CDC42: variants seen among roughly 807,000 people sequenced by gnomAD.
CDC42 encodes the protein cell division control protein 42 homolog.
Under a neutral mutation model 20.8 loss-of-function variants are expected in CDC42, and 1 was observed. That is an observed-to-expected ratio of 0.05 (90% confidence interval 0.02 to 0.23). The LOEUF (loss-of-function observed/expected upper bound fraction) is 0.23. Ranked by LOEUF, CDC42 falls within the 10% of genes least tolerant of loss-of-function variation. The probability of loss-of-function intolerance (pLI) is 1.00; values close to 1 mark genes in which losing one functional copy is unlikely to be tolerated. For missense variants in CDC42, 49 were observed against 227.9 expected, an observed-to-expected ratio of 0.21 and a Z score of 5.05; for synonymous variants, 72 against 84.8, an observed-to-expected ratio of 0.85 and a Z score of 0.83.
intron 1 of CDC42, among the ~76,000 whole-genome samples, chr1:22,069,784 G>T (rs1569990059): frequency 7.0e-6 from 1 of 142,482 alleles, no homozygotes; most frequent in South Asian, 2.3e-4. Flanking sequence ...AGGTTTTTTT[G>T]TTTGTTTGTT....
In CDC42 at chr1:22,081,627, C is replaced by A. The variant is rs17837975; in HGVS notation, c.106-95C>A. ...TGGATGGACTAGGGGACGATTAAGTCTTAGCAAGGAAACACTGCCTTAGCT... is the reference window on the plus strand; with the variant it reads ...TGGATGGACTAGGGGACGATTAAGTATTAGCAAGGAAACACTGCCTTAGCT... On this transcript the variant is annotated intron_variant, in intron 2 of 5. Transcript: ENST00000656825. The A allele has an allele frequency of 5.2e-6, 4 of 763,974 alleles. No individual in the cohort carries two copies. The Admixed American group carries it at 6.4e-5, about 12-fold the overall frequency. 47.3% of individuals were successfully genotyped at this position (763,974 alleles called of 1,614,324 possible).
chr1:22,057,671 A>G (rs1028346727), intron 1 of CDC42, among the ~76,000 whole-genome samples: 2 of 151,512 alleles, frequency 1.3e-5, no homozygotes, highest in Admixed American at 1.3e-4. Flanking sequence ...GGCATAAGCC[A>G]CTATGTCTAG....
chr1:22,078,871 C>T (rs1427895584), intron 2 of CDC42: 4 of 1,237,058 alleles, frequency 3.2e-6, no homozygotes, highest in East Asian at 4.6e-5. Flanking sequence ...TGCCCTACAT[C>T]TTGGAATGAG....
In CDC42 at chr1:22,099,469, A is replaced by G. The variant is rs1645776388; in HGVS notation, c.*7952A>G. ...ATATGCAGCCAGAGTTGGAAATCCT[A>G]TCTGTCTGATTTTGGAAACTGTGTG... On this transcript the variant is annotated 3_prime_UTR_variant, in exon 6 of 6. Transcript: ENST00000656825. Among the ~76,000 whole-genome samples the G allele has an allele frequency of 6.6e-6, 1 of 152,212 alleles. No individual in the cohort carries two copies. Among genetic ancestry groups the G allele is most frequent in the East Asian group, 1.9e-4 (1 of 5,194 alleles).
At chr1:22,064,408 T>C (rs978627436) in intron 1 of CDC42, among the ~76,000 whole-genome samples, 1 of 152,138 alleles carries the variant, frequency 6.6e-6, no homozygotes, top group African/African-American at 2.4e-5. Flanking sequence ...TTCTCCTGTC[T>C]CAGCCTCCTG....
rs375127965 is a variant in CDC42, at chr1:22,094,588, C to T, written c.*3071C>T. On this transcript the variant is annotated 3_prime_UTR_variant, in exon 6 of 6. Coordinates refer to ENST00000656825, the MANE Select transcript of CDC42 (RefSeq NM_001791.4). ...CTGGGATTACAGGCGTGAGCCACCG[C>T]GCCCGGCCAGAAATAGATTTTATAG... Among the ~76,000 whole-genome samples the T allele has an allele frequency of 1.6e-4, 24 of 148,796 alleles. No homozygotes were observed. The highest frequency in any genetic ancestry group is 1.2e-3 in the East Asian group (6 of 5,172).
intron 3 of CDC42, among the ~76,000 whole-genome samples, chr1:22,085,928 C>T (rs575330398): frequency 2.6e-5 from 4 of 152,308 alleles, no homozygotes; most frequent in Admixed American, 1.3e-4. Context: ...TCACTGCAAC[C>T]TCCGCCTTCT....
intron 1 of CDC42, among the ~76,000 whole-genome samples, chr1:22,073,332 T>A (rs1381948486): frequency 3.3e-5 from 5 of 151,348 alleles, no homozygotes; most frequent in Non-Finnish European, 7.4e-5. Context: ...AGGTCAGGAT[T>A]TTGAGACCAG....
rs1044646930 is a variant in CDC42 at position 22,094,115 on chromosome 1, G to T, written c.*2598G>T. 5.3e-5 allele frequency among the ~76,000 whole-genome samples: 8 copies of T among 152,076 alleles called. No homozygotes were observed. Among genetic ancestry groups the T allele is most frequent in the Admixed American group, 4.6e-4 (7 of 15,274 alleles). The stretch of plus-strand genomic sequence containing the variant: ...GTTTTCTATTTGACGTAACAAACTT[G>T]CTTATAGTCGTGGCTTAGAAGGTGA... On this transcript the variant is annotated 3_prime_UTR_variant, in exon 6 of 6. Transcript: ENST00000656825.
At chr1:22,060,818 T>C (rs1645354723) in intron 1 of CDC42, among the ~76,000 whole-genome samples, 2 of 152,206 alleles carry the variant, frequency 1.3e-5, no homozygotes, top group East Asian at 1.9e-4. Flanking sequence ...ATTTTTATTA[T>C]AGGGTTTAAG....
chr1:22,077,831 A>G (rs1451142463), intron 1 of CDC42, among the ~76,000 whole-genome samples: 2 of 152,222 alleles, frequency 1.3e-5, no homozygotes, highest in Non-Finnish European at 2.9e-5. Flanking sequence ...TTTCATTATA[A>G]AAATGTAGGT....
chr1:22,056,245 G>C (rs1645303759), intron 1 of CDC42, among the ~76,000 whole-genome samples: 1 of 152,148 alleles, frequency 6.6e-6, no homozygotes, highest in Non-Finnish European at 1.5e-5. Flanking sequence ...TGTGTTTCCT[G>C]AGACAGCTTT....
chr1:22,084,335 G>GTTTTTTT lies in CDC42; in HGVS notation c.179-2085_179-2079dup, dbSNP rs61584354. Among the ~76,000 whole-genome samples, 128 of 80,662 alleles carry GTTTTTTT rather than the reference G, an allele frequency of 1.6e-3. 1 individual carries two copies. The highest frequency in any genetic ancestry group is 4.6e-3 in the East Asian group (11 of 2,370). 52.9% of individuals were successfully genotyped at this position (80,662 alleles called of 152,430 possible). A position where few individuals can be genotyped will look rare whatever the true frequency, so the allele number is the denominator to read the frequency against. ...TTCTTCTGTTCGACACTTATTTCCT[G>GTTTTTTT]TTTTTTTTTTTTTTTTTTTTTTTTT... On this transcript the variant is annotated intron_variant, in intron 3 of 5. Transcript: ENST00000656825.
At chr1:22,080,281 C>T (rs529717560) in intron 2 of CDC42, among the ~76,000 whole-genome samples, 59 of 152,276 alleles carry the variant, frequency 3.9e-4, no homozygotes, top group African/African-American at 1.4e-3. Flanking sequence ...TGGATATGAA[C>T]AATCTAGTAA....
At chr1:22,084,099 C>T (rs779262182) in intron 3 of CDC42, among the ~76,000 whole-genome samples, 4 of 152,082 alleles carry the variant, frequency 2.6e-5, no homozygotes, top group Non-Finnish European at 4.4e-5. Flanking sequence ...ATTGCTTCCA[C>T]GTTTTAGCTA....
intron 3 of CDC42, among the ~76,000 whole-genome samples, chr1:22,082,435 C>T (rs941859641): frequency 8.5e-5 from 13 of 152,204 alleles, no homozygotes; most frequent in Non-Finnish European, 5.9e-5. Context: ...AAATTACTTT[C>T]TTCCTTAAAT....
At chr1:22,070,505 T>C (rs56319427) in intron 1 of CDC42, among the ~76,000 whole-genome samples, 21,817 of 127,096 alleles carry the variant, frequency 0.17, 2,456 homozygotes, top group East Asian at 0.54. Flanking sequence ...GCTCTGTTGC[T>C]CAGGCTGGAG....
chr1:22,068,050 C>A (rs1299918577), intron 1 of CDC42, among the ~76,000 whole-genome samples: 1 of 152,116 alleles, frequency 6.6e-6, no homozygotes, highest in Non-Finnish European at 1.5e-5. Context: ...CCACTCCACT[C>A]TGGCCTAGGT....
At chr1:22,062,308 A>G (rs931459691) in intron 1 of CDC42, among the ~76,000 whole-genome samples, 3 of 152,298 alleles carry the variant, frequency 2.0e-5, no homozygotes, top group South Asian at 2.1e-4. Flanking sequence ...AGGTACTTCT[A>G]CCTCATCAGC....
Sources: allele counts gnomAD v4.1 joint callset (sites outside exome capture counted in the v4.1 genomes callset), GRCh38; gene constraint gnomAD v4.1.1; transcripts MANE v1.5; gene names NCBI Gene and HGNC (gene_info 2026-07-23, HGNC 2026-07-21).